Variants in BLMH observed in about 807,000 individuals in gnomAD.
BLMH encodes bleomycin hydrolase.
Under a neutral mutation model 61.6 loss-of-function variants are expected in BLMH, and 32 were observed. The observed-to-expected ratio is 0.52, with a 90% confidence interval of 0.39 to 0.70. The LOEUF is 0.70. Among genes scored for constraint, BLMH ranks in the 30% least tolerant of loss-of-function variants. The pLI is 0.00. For synonymous variants in BLMH, 183 were observed against 193.8 expected (o/e 0.94, Z 0.46); for missense variants, 460 against 555.5 (o/e 0.83, Z 1.73).
chr17:30,286,031 C>T (rs1567839505), intron 5 of BLMH, among the ~76,000 whole-genome samples: 1 of 152,150 alleles, frequency 6.6e-6, no homozygotes, highest in Non-Finnish European at 1.5e-5. Flanking sequence ...GAATCAAATG[C>T]CGTACTATTA....
Position 30,248,867 on chromosome 17 carries a change from T to C in BLMH, c.*150A>G. On this transcript the variant is annotated 3_prime_UTR_variant, in exon 12 of 12. Coordinates refer to ENST00000261714, the MANE Select transcript of BLMH (RefSeq NM_000386.4). ...TATTCTGTTTCAGCATAAAGCACAC[T>C]TTCTGAAGAGGTTCCTGGTGGAGAC... is the stretch of plus-strand genomic sequence containing the variant. 2.0e-6 allele frequency: 2 copies of C among 981,290 alleles called. No individual in the cohort carries two copies. Among genetic ancestry groups the C allele is most frequent in the South Asian group, 3.3e-5 (2 of 60,568 alleles). The allele number at this position is 981,290 out of a possible 1,614,324, so 60.8% of individuals were successfully genotyped here. A position where few individuals can be genotyped will look rare whatever the true frequency, so the allele number is the denominator to read the frequency against.
intron 6 of BLMH, among the ~76,000 whole-genome samples, chr17:30,275,436 G>A (rs139656613): frequency 4.5e-4 from 68 of 152,242 alleles, no homozygotes; most frequent in African/African-American, 1.5e-3. Flanking sequence ...TGAGGCAGGT[G>A]GATCATGAGG....
chr17:30,258,199 A>G (rs1463529783), intron 11 of BLMH, among the ~76,000 whole-genome samples: 1 of 151,892 alleles, frequency 6.6e-6, no homozygotes, highest in Non-Finnish European at 1.5e-5. Flanking sequence ...AGAAAGATAG[A>G]TAACAGGATG....
intron 11 of BLMH, chr17:30,251,947 G>GA (rs1348722147): frequency 6.6e-6 from 1 of 152,004 alleles, no homozygotes; most frequent in Admixed American, 6.5e-5. Flanking sequence ...ATATTTTGAG[G>GA]AAAAAAATTA....
chr17:30,286,132 A>G (rs372307323), intron 5 of BLMH, among the ~76,000 whole-genome samples: 33 of 152,168 alleles, frequency 2.2e-4, no homozygotes, highest in African/African-American at 7.5e-4. Flanking sequence ...CCTATAGTTG[A>G]TTTTAAAATG....
At chr17:30,274,299 G>C (rs1908360131) in intron 6 of BLMH, 102 bp from the exon 7 acceptor site, 1 of 1,342,430 alleles carries the variant, frequency 7.4e-7, no homozygotes, top group African/African-American at 1.5e-5. Context: ...GAAGTTAGTG[G>C]CTAAATTCAA....
intron 11 of BLMH, among the ~76,000 whole-genome samples, chr17:30,261,118 G>A (rs1316223586): frequency 1.3e-5 from 2 of 152,098 alleles, no homozygotes; most frequent in Non-Finnish European, 2.9e-5. Context: ...TATTGTACTA[G>A]AGATCCAGAA....
At chr17:30,286,532 GTGGCCAATATTAA>G (rs1908732170) in intron 5 of BLMH, among the ~76,000 whole-genome samples, 1 of 152,188 alleles carries the variant, frequency 6.6e-6, no homozygotes, top group African/African-American at 2.4e-5. Flanking sequence ...CTGTGTGCTT[GTGGCCAATATTAA>G]TTGGACATGG....
chr17:30,272,803 A>AT lies in BLMH; in HGVS notation c.897dup (p.Tyr300IlefsTer7). 1 of 1,614,204 alleles carries AT rather than the reference A, an allele frequency of 6.2e-7. No homozygotes were observed. The highest frequency in any genetic ancestry group is 8.5e-7 in the Non-Finnish European group (1 of 1,180,038). ...AGGAAGTCAATGGGCTGGTTGTTGT[A>AT]TAGAGTTTTTCTCCCTCCAACCATA... On this transcript the variant is annotated frameshift_variant, in exon 8 of 12. Transcript: ENST00000261714. LOFTEE classifies it high-confidence loss of function.
intron 11 of BLMH, among the ~76,000 whole-genome samples, chr17:30,266,130 A>G (rs1908098815): frequency 6.6e-6 from 1 of 152,184 alleles, no homozygotes; most frequent in Non-Finnish European, 1.5e-5. Context: ...TAGGTATGAC[A>G]ACTTCTAAGG....
chr17:30,272,644 A>G lies in BLMH; in HGVS notation c.961-16T>C, dbSNP rs200502806. ...ACCACACAGCCTAGAAACAGAAGAAAGAGGAAGAAAGTCAACATAAACCCC... is the reference window on the plus strand; with the variant it reads ...ACCACACAGCCTAGAAACAGAAGAAGGAGGAAGAAAGTCAACATAAACCCC... On this transcript the variant is annotated splice_polypyrimidine_tract_variant and intron_variant, in intron 8 of 11. Transcript: ENST00000261714. 5 of 1,614,230 alleles carry G rather than the reference A, an allele frequency of 3.1e-6. No individual in the cohort carries two copies. The East Asian group carries it at 8.9e-5, about 29-fold the overall frequency.
intron 6 of BLMH, among the ~76,000 whole-genome samples, chr17:30,284,341 C>G (rs1908669954): frequency 6.6e-6 from 1 of 152,184 alleles, no homozygotes; most frequent in Admixed American, 6.5e-5. Flanking sequence ...GACTAGAGCT[C>G]AGATAGCCTG....
At chr17:30,289,615 A>G in intron 2 of BLMH, 133 bp from the exon 3 acceptor site, 1 of 495,692 alleles carries the variant, frequency 2.0e-6, no homozygotes, top group Non-Finnish European at 3.4e-6. Context: ...GAGCAGAAAG[A>G]TTAAAAACAA....
chr17:30,266,895 A>G lies in BLMH; in HGVS notation c.1206T>C (p.His402=), dbSNP rs1405944944. 4 of 1,614,030 alleles carry G rather than the reference A, an allele frequency of 2.5e-6. No individual in the cohort carries two copies. The highest frequency in any genetic ancestry group is 1.6e-4 in the Middle Eastern group (1 of 6,084). ...CCAAACTGAGCTCACCTTTGTGGCC[A>G]TGGTCTTCACCCCATGAATTCTCCA... ...WRVENSWGED[H]GHKGYLCMTD... Residue 402 remains histidine, a synonymous_variant, in exon 11 of 12, where the codon CAT becomes CAC. Coordinates refer to ENST00000261714, the MANE Select transcript of BLMH (RefSeq NM_000386.4).
chr17:30,280,760 T>C (rs1908564569), intron 6 of BLMH, among the ~76,000 whole-genome samples: 1 of 152,154 alleles, frequency 6.6e-6, no homozygotes, highest in African/African-American at 2.4e-5. Context: ...TTATAGACAT[T>C]AGCCACCATG....
chr17:30,271,798 T>C (rs1446485540), intron 9 of BLMH, among the ~76,000 whole-genome samples: 2 of 152,180 alleles, frequency 1.3e-5, no homozygotes, highest in Non-Finnish European at 2.9e-5. Flanking sequence ...TTTAAATAAA[T>C]AATGTCCAAA....
At chr17:30,261,139 A>G (rs745655655) in intron 11 of BLMH, among the ~76,000 whole-genome samples, 7 of 152,248 alleles carry the variant, frequency 4.6e-5, no homozygotes, top group Non-Finnish European at 8.8e-5. Context: ...CTGAACCTCA[A>G]ACAGACCTGC....
intron 6 of BLMH, among the ~76,000 whole-genome samples, chr17:30,279,587 G>C (rs1908526574): frequency 6.6e-6 from 1 of 152,150 alleles, no homozygotes. Flanking sequence ...TTATAAAGAA[G>C]GGTCCTACCT....
rs1199844785 is a variant in BLMH, at chr17:30,249,246, T to C, written c.1217-78A>G. On this transcript the variant is annotated intron_variant, in intron 11 of 11. Transcript: ENST00000261714. ...AGAAACCCTTTTTGTAGGATAAACCTTTTACAAAACTAATATTCATACATA... is the reference window on the plus strand; with the variant it reads ...AGAAACCCTTTTTGTAGGATAAACCCTTTACAAAACTAATATTCATACATA... The C allele has an allele frequency of 2.8e-6, 4 of 1,444,782 alleles. No individual in the cohort carries two copies. The African/African-American group carries it at 5.7e-5, about 21-fold the overall frequency. The allele number at this position is 1,444,782 out of a possible 1,614,324, so 89.5% of individuals were successfully genotyped here.
Sources: allele counts gnomAD v4.1 joint callset (sites outside exome capture counted in the v4.1 genomes callset), GRCh38; gene constraint gnomAD v4.1.1; transcripts MANE v1.5; gene names NCBI Gene and HGNC (gene_info 2026-07-23, HGNC 2026-07-21).